CEP128: variants seen among roughly 807,000 people sequenced by gnomAD.
The protein encoded by CEP128 is centrosomal protein 128kDa.
In CEP128, 132 loss-of-function variants were observed where a neutral mutation model predicts 156.7. The ratio of observed to expected loss-of-function variants is 0.84; its 90% CI spans 0.73 to 0.97. CEP128 has a LOEUF of 0.97. Ranked by LOEUF, CEP128 falls within the 50% of genes least tolerant of loss-of-function variation. The pLI is 0.00. For missense variants in CEP128, 1,252 were observed against 1,281.9 expected (o/e 0.98, Z 0.36); for synonymous variants, 469 against 448.9 (o/e 1.04, Z -0.57).
chr14:80,800,133 T>G, intron 13 of CEP128, among the ~76,000 whole-genome samples: 1 of 152,220 alleles, frequency 6.6e-6, no homozygotes, highest in East Asian at 1.9e-4. Flanking sequence ...TACCGATATG[T>G]GATGTCACCC....
chr14:80,837,402 A>C (rs1029485936), intron 11 of CEP128, among the ~76,000 whole-genome samples: 1 of 152,186 alleles, frequency 6.6e-6, no homozygotes, highest in African/African-American at 2.4e-5. Context: ...GGCTGATGGA[A>C]TGCAAAACGT....
At chr14:80,479,818 A>T (rs1311964418) in intron 14 of CEP128, among the ~76,000 whole-genome samples, 1 of 152,216 alleles carries the variant, frequency 6.6e-6, no homozygotes, top group Admixed American at 6.5e-5. Context: ...TACACGTATG[A>T]GCCTGTAAAA....
At chr14:80,934,630 C>T (rs1236439958) in intron 2 of CEP128, among the ~76,000 whole-genome samples, 1 of 152,078 alleles carries the variant, frequency 6.6e-6, no homozygotes, top group South Asian at 2.1e-4. Context: ...TCTGAGTGTC[C>T]GGCACATTCA....
chr14:80,656,988 G>A (rs567060768), intron 19 of CEP128, among the ~76,000 whole-genome samples: 12 of 152,210 alleles, frequency 7.9e-5, no homozygotes, highest in African/African-American at 2.6e-4. Flanking sequence ...GGCCGGGCAC[G>A]GTGACTCATC....
intron 19 of CEP128, among the ~76,000 whole-genome samples, chr14:80,581,822 T>C (rs546213814): frequency 6.6e-6 from 1 of 152,324 alleles, no homozygotes; most frequent in East Asian, 1.9e-4. Flanking sequence ...CCCTCAATCA[T>C]TCCTCTTCCT....
chr14:80,727,350 T>C (rs1315808996), intron 19 of CEP128, among the ~76,000 whole-genome samples: 2 of 152,100 alleles, frequency 1.3e-5, no homozygotes, highest in Non-Finnish European at 2.9e-5. Flanking sequence ...AGGGGAAGCT[T>C]AGATATCCAT....
intron 19 of CEP128, among the ~76,000 whole-genome samples, chr14:80,669,443 T>C (rs1895752970): frequency 6.6e-6 from 1 of 151,708 alleles, no homozygotes; most frequent in South Asian, 2.1e-4. Context: ...CAGATTTACA[T>C]GAAAGTCAAA....
chr14:80,856,720 CTTTTTTTTTT>C (rs766724436), intron 9 of CEP128, among the ~76,000 whole-genome samples: 14 of 65,156 alleles, frequency 2.1e-4, no homozygotes, highest in African/African-American at 2.5e-4. Context: ...TTTTTCTTTT[CTTTTTTTTTT>C]TTTTTTTTTT....
At chr14:80,570,398 G>A (rs1891089258) in intron 20 of CEP128, among the ~76,000 whole-genome samples, 1 of 152,152 alleles carries the variant, frequency 6.6e-6, no homozygotes, top group South Asian at 2.1e-4. Flanking sequence ...TTACAGGCGT[G>A]AGTCATCGTG....
chr14:80,484,267 C>T lies in CEP128; in HGVS notation c.*311-5860G>A, dbSNP rs372546927. On this transcript the variant is annotated intron_variant and NMD_transcript_variant, in intron 14 of 14. Coordinates refer to the CEP128 transcript ENST00000554502. ...TGCTGGAATTATAGGCGTGAGCCAC[C>T]GCACTCAGCCAATCTTGGTTCTTAT... Among the ~76,000 whole-genome samples, 75 of 152,300 alleles carry T rather than the reference C, an allele frequency of 4.9e-4. 1 individual carries two copies. The highest frequency in any genetic ancestry group is 1.7e-3 in the African/African-American group (71 of 41,568).
intron 21 of CEP128, among the ~76,000 whole-genome samples, chr14:80,537,679 A>AT (rs1273304069): frequency 6.6e-6 from 1 of 152,120 alleles, no homozygotes; most frequent in East Asian, 1.9e-4. Flanking sequence ...CAAAAAAACA[A>AT]TTCTTTTTAA....
At chr14:80,736,748 C>T (rs1898552417) in intron 19 of CEP128, among the ~76,000 whole-genome samples, 2 of 152,176 alleles carry the variant, frequency 1.3e-5, no homozygotes, top group Non-Finnish European at 2.9e-5. Flanking sequence ...GAGATATTTA[C>T]AGTTAACTAA....
chr14:80,746,232 T>A (rs1899091403), intron 18 of CEP128, among the ~76,000 whole-genome samples: 1 of 152,172 alleles, frequency 6.6e-6, no homozygotes, highest in South Asian at 2.1e-4. Context: ...GATGAGTTGA[T>A]CCTATGTTTC....
chr14:80,480,358 A>G (rs549809802), intron 14 of CEP128, among the ~76,000 whole-genome samples: 4 of 152,252 alleles, frequency 2.6e-5, no homozygotes, highest in South Asian at 4.1e-4. Flanking sequence ...CCTGACTTCT[A>G]TGTACCCGCA....
At chr14:80,705,993 T>C (rs545353040) in intron 19 of CEP128, among the ~76,000 whole-genome samples, 1 of 152,300 alleles carries the variant, frequency 6.6e-6, no homozygotes, top group East Asian at 1.9e-4. Flanking sequence ...CAAGCAGGTA[T>C]ATATCATCTA....
chr14:80,610,575 T>A (rs1892955098), intron 19 of CEP128, among the ~76,000 whole-genome samples: 1 of 152,084 alleles, frequency 6.6e-6, no homozygotes, highest in Non-Finnish European at 1.5e-5. Flanking sequence ...GGAAAACATA[T>A]TTTCATTCAC....
chr14:80,949,698 T>C (rs1262542533), intron 2 of CEP128, among the ~76,000 whole-genome samples: 1 of 152,156 alleles, frequency 6.6e-6, no homozygotes, highest in Non-Finnish European at 1.5e-5. Context: ...CCCAAATTGT[T>C]TCAAAGTAAT....
At chr14:80,578,155 A>G (rs1210973933) in intron 20 of CEP128, among the ~76,000 whole-genome samples, 1 of 152,168 alleles carries the variant, frequency 6.6e-6, no homozygotes, top group Non-Finnish European at 1.5e-5. Context: ...TATTATAAAC[A>G]CTGATTTTTA....
intron 13 of CEP128, among the ~76,000 whole-genome samples, chr14:80,812,715 C>T (rs539881272): frequency 1.2e-4 from 18 of 152,156 alleles, no homozygotes; most frequent in Non-Finnish European, 2.2e-4. Context: ...CAGGCACGTG[C>T]CACCACACCT....
Sources: allele counts gnomAD v4.1 joint callset (sites outside exome capture counted in the v4.1 genomes callset), GRCh38; gene constraint gnomAD v4.1.1; transcripts MANE v1.5; gene names NCBI Gene and HGNC (gene_info 2026-07-23, HGNC 2026-07-21).